ZNF555: variants seen among roughly 807,000 people sequenced by gnomAD.
ZNF555 encodes the protein zinc finger protein 555.
A neutral mutation model predicts 14.0 loss-of-function variants in ZNF555; 10 were observed. That is an observed-to-expected ratio of 0.72 (90% CI 0.44 to 1.21). The LOEUF (loss-of-function observed/expected upper bound fraction) is 1.21, where lower values mean the gene tolerates loss of function less well. ZNF555 is among the 50% of genes most tolerant of loss of function. ZNF555 has a pLI of 0.00. For synonymous variants in ZNF555, 277 were observed against 262.4 expected, an observed-to-expected ratio of 1.06 and a Z score of -0.54; for missense variants, 747 against 762.0, an observed-to-expected ratio of 0.98 and a Z score of 0.23.
intron 1 of ZNF555, chr19:2,847,261 T>G (rs1188207509): frequency 1.3e-5 from 2 of 152,234 alleles, no homozygotes; most frequent in Non-Finnish European, 2.9e-5. Context: ...GGCACCATAA[T>G]TCAGTCTCTC....
chr19:2,854,683 T>C lies in ZNF555; in HGVS notation c.*731T>C, dbSNP rs943540268. ...GCTTTGTGAACATCAACCTTCAGCT[T>C]ATTTTCCAGATTCTTATTCCTGCCA... On this transcript the variant is annotated 3_prime_UTR_variant, in exon 4 of 4. Coordinates refer to ENST00000334241, the MANE Select transcript of ZNF555 (RefSeq NM_152791.5). 2 of 152,278 alleles carry C rather than the reference T, an allele frequency of 1.3e-5. No individual in the cohort carries two copies. Among genetic ancestry groups the C allele is most frequent in the African/African-American group, 4.8e-5 (2 of 41,458 alleles). 9.4% of individuals were successfully genotyped at this position (152,278 alleles called of 1,614,324 possible).
In ZNF555 at chr19:2,853,927, T is replaced by C. The variant is rs762515324; in HGVS notation, c.1862T>C (p.Val621Ala). 4 of 1,613,764 alleles carry C rather than the reference T, an allele frequency of 2.5e-6. No homozygotes were observed. Among genetic ancestry groups the C allele is most frequent in the South Asian group, 2.2e-5 (2 of 91,086 alleles). The change falls in exon 4 of 4, where the codon GTT (valine) becomes GCT (alanine). Residue 621 changes from valine (V) to alanine (A), a missense_variant. Val to Ala is a moderately conservative substitution (Grantham distance 64, BLOSUM62 0). Coordinates refer to ENST00000334241, the MANE Select transcript of ZNF555 (RefSeq NM_152791.5). ...KSHQERDLIKVVNMVLPL is the reference protein window; with the variant it reads ...KSHQERDLIKAVNMVLPL Reference sequence around the variant, plus strand: ...CACCAGGAGAGAGATCTGATCAAAGTTGTAAATATGGTGTTGCCTTTATGA... The same window carrying C: ...CACCAGGAGAGAGATCTGATCAAAGCTGTAAATATGGTGTTGCCTTTATGA...
At chr19:2,849,577 C>T (rs13344762) in intron 1 of ZNF555, among the ~76,000 whole-genome samples, 59,153 of 149,768 alleles carry the variant, frequency 0.39, 12,216 homozygotes, top group South Asian at 0.57. Flanking sequence ...CTCTGCCTCC[C>T]GGGTTCAAGC....
intron 1 of ZNF555, among the ~76,000 whole-genome samples, chr19:2,843,937 C>T (rs116948235): frequency 0.034 from 5,134 of 152,186 alleles, 127 homozygotes; most frequent in Non-Finnish European, 0.052. Flanking sequence ...GGTGCTGTCT[C>T]GGCTCATTGC....
At position 2,851,562 on chromosome 19, in the gene ZNF555, C is replaced by G; in HGVS notation, c.225C>G (p.Thr75=). ...AGGAATCTAAAATAGCCACGTTCACCAGAAATGTTTCCTGGGCCTCTGTTT... is the reference window on the plus strand; with the variant it reads ...AGGAATCTAAAATAGCCACGTTCACGAGAAATGTTTCCTGGGCCTCTGTTT... The part of the protein sequence containing the change: ...IPKESKIATF[T]RNVSWASVLG... The change falls in exon 3 of 4, where the codon ACC becomes ACG. Residue 75 remains threonine, a synonymous_variant. Transcript: ENST00000334241. 1 of 1,612,740 alleles carries G rather than the reference C, an allele frequency of 6.2e-7. No individual in the cohort carries two copies. The highest frequency in any genetic ancestry group is 8.5e-7 in the Non-Finnish European group (1 of 1,179,684).
rs2087717688 is a variant in ZNF555, at chr19:2,859,888, T to A, written c.*5936T>A. On this transcript the variant is annotated 3_prime_UTR_variant, in exon 4 of 4. Transcript: ENST00000334241. Reference sequence around the variant, plus strand: ...GCCAAATGCATATGTCTGTTGAGCCTGGACATTAAGTATTTCTTGATGTTC... The same window carrying A: ...GCCAAATGCATATGTCTGTTGAGCCAGGACATTAAGTATTTCTTGATGTTC... 2 of 152,276 alleles carry A rather than the reference T, an allele frequency of 1.3e-5. No homozygotes were observed. The highest frequency in any genetic ancestry group is 1.3e-4 in the Admixed American group (2 of 15,288). The allele number at this position is 152,276 out of a possible 1,614,324, so 9.4% of individuals were successfully genotyped here.
intron 1 of ZNF555, among the ~76,000 whole-genome samples, chr19:2,849,299 C>T (rs2144850324): frequency 6.6e-6 from 1 of 151,874 alleles, no homozygotes; most frequent in Non-Finnish European, 1.5e-5. Context: ...GAGAGTGCAG[C>T]CTCTAGAGTG....
chr19:2,852,342 A>G (rs780728000), intron 3 of ZNF555, 38 bp from the exon 4 acceptor site: 3 of 1,610,666 alleles, frequency 1.9e-6, no homozygotes, highest in South Asian at 1.1e-5. Context: ...CTAACAAATC[A>G]TTATTAATCA....
At position 2,853,591 on chromosome 19, in the gene ZNF555, AATGC is replaced by A. The variant is rs1160629494; in HGVS notation, c.1528_1531del (p.Cys510SerfsTer17). The A allele has an allele frequency of 8.1e-6, 13 of 1,610,222 alleles. No individual in the cohort carries two copies. The highest frequency in any genetic ancestry group is 1.7e-5 in the Admixed American group (1 of 59,690). On this transcript the variant is annotated frameshift_variant, in exon 4 of 4. Transcript: ENST00000334241. LOFTEE classifies it low-confidence loss of function (END_TRUNC). ...AGACATACCGCAGAGAAACTCTATA[AATGC>A]AAGCAGTGTGGGAAAGCTTTCAGTT...
Position 2,857,038 on chromosome 19 carries a change from G to T in ZNF555, c.*3086G>T, listed in dbSNP as rs2087688826. On this transcript the variant is annotated 3_prime_UTR_variant, in exon 4 of 4. Coordinates refer to ENST00000334241, the MANE Select transcript of ZNF555 (RefSeq NM_152791.5). The stretch of plus-strand genomic sequence containing the variant: ...TTTAATGAGCCAGAAAGCCCCAAAA[G>T]CCTATTTAAGTTTTCTCAGGTATCA... The T allele has an allele frequency of 6.6e-6, 1 of 152,186 alleles. No homozygotes were observed. Among genetic ancestry groups the T allele is most frequent in the Non-Finnish European group, 1.5e-5 (1 of 68,028 alleles). The allele number at this position is 152,186 out of a possible 1,614,324, so 9.4% of individuals were successfully genotyped here.
Position 2,854,228 on chromosome 19 carries a change from T to C in ZNF555, c.*276T>C, listed in dbSNP as rs2087665303. 5.6e-6 allele frequency: 2 copies of C among 356,776 alleles called. No homozygotes were observed. The highest frequency in any genetic ancestry group is 4.3e-5 in the African/African-American group (2 of 46,300). 22.1% of individuals were successfully genotyped at this position (356,776 alleles called of 1,614,324 possible). A position where few individuals can be genotyped will look rare whatever the true frequency, so the allele number is the denominator to read the frequency against. ...TGTGACAGGTATTGGATATTACGTA[T>C]CTATTATATTTTCCACCTTTTTTAC... On this transcript the variant is annotated 3_prime_UTR_variant, in exon 4 of 4. Coordinates refer to ENST00000334241, the MANE Select transcript of ZNF555 (RefSeq NM_152791.5).
In ZNF555 at chr19:2,850,636, G is replaced by A. The variant is rs1461097686; in HGVS notation, c.53G>A (p.Trp18Ter). Residue 18 changes from tryptophan (W) to a stop codon, truncating the protein, a stop_gained, in exon 2 of 4, where the codon TGG becomes TAG. Transcript: ENST00000334241. LOFTEE classifies it high-confidence loss of function. ...GCTGTGGACTTCACCCTGGAGGAGT[G>A]GGCTTTGCTGGATTCTGCTCAGAGG... ...DVAVDFTLEEWALLDSAQRDL... is the reference protein window; with the variant it reads ...DVAVDFTLEE 3.7e-6 allele frequency: 6 copies of A among 1,614,014 alleles called. No homozygotes were observed. Among genetic ancestry groups the A allele is most frequent in the South Asian group, 1.1e-5 (1 of 91,080 alleles).
chr19:2,847,161 C>T (rs150459428), intron 1 of ZNF555: 13 of 152,138 alleles, frequency 8.5e-5, no homozygotes, highest in Non-Finnish European at 1.8e-4. Context: ...AATATTTTAC[C>T]ATTTTCTCTC....
intron 2 of ZNF555, 133 bp from the exon 3 acceptor site, chr19:2,851,335 T>TA: frequency 1.5e-6 from 1 of 670,778 alleles, no homozygotes; most frequent in Middle Eastern, 4.1e-4. Flanking sequence ...TGCTTACTAA[T>TA]ACTGTGTTGA....
intron 1 of ZNF555, among the ~76,000 whole-genome samples, chr19:2,848,646 C>T (rs919143538): frequency 3.3e-5 from 5 of 152,048 alleles, no homozygotes; most frequent in Admixed American, 3.3e-4. Context: ...TGGGGTTTCA[C>T]CATGTTGGCC....
At chr19:2,846,784 G>A (rs4806878) in intron 1 of ZNF555, among the ~76,000 whole-genome samples, 62,165 of 152,026 alleles carry the variant, frequency 0.41, 13,147 homozygotes, top group East Asian at 0.67. Context: ...TTTTGGTCTC[G>A]TGAATCTTAG....
intron 1 of ZNF555, among the ~76,000 whole-genome samples, chr19:2,844,094 TTTTC>T (rs1409936567): frequency 8.7e-5 from 1 of 11,440 alleles, no homozygotes; most frequent in Non-Finnish European, 2.0e-4. Context: ...TCTCTCTCTC[TTTTC>T]TTTTTTTTTT....
Position 2,852,832 on chromosome 19 carries a change from A to G in ZNF555, c.767A>G (p.Tyr256Cys), listed in dbSNP as rs767388686. Residue 256 changes from tyrosine to cysteine, a missense_variant, in exon 4 of 4, where the codon TAT (tyrosine) becomes TGT (cysteine). Tyr to Cys is a radical substitution (Grantham distance 194). Coordinates refer to ENST00000334241, the MANE Select transcript of ZNF555 (RefSeq NM_152791.5). ...HLRSHTGEKP[Y>C]KCKECGKAFS... ...AGAAGTCACACCGGAGAGAAGCCAT[A>G]TAAGTGTAAGGAATGTGGGAAAGCT... 16 of 1,614,108 alleles carry G rather than the reference A, an allele frequency of 9.9e-6. No homozygotes were observed. Among genetic ancestry groups the G allele is most frequent in the Admixed American group, 5.0e-5 (3 of 60,006 alleles).
intron 1 of ZNF555, among the ~76,000 whole-genome samples, chr19:2,846,324 T>G (rs1191769585): frequency 1.3e-5 from 2 of 152,186 alleles, no homozygotes; most frequent in African/African-American, 4.8e-5. Context: ...CACTCACAGC[T>G]GCATGCAACA....
Sources: allele counts gnomAD v4.1 joint callset (sites outside exome capture counted in the v4.1 genomes callset), GRCh38; gene constraint gnomAD v4.1.1; transcripts MANE v1.5; gene names NCBI Gene and HGNC (gene_info 2026-07-23, HGNC 2026-07-21).